The following WWOX variants were observed in gnomAD, a reference collection of about 807,000 sequenced individuals.
The protein encoded by WWOX is WW domain-containing oxidoreductase.
Under a neutral mutation model 46.2 loss-of-function variants are expected in WWOX, and 69 were observed. The ratio of observed to expected loss-of-function variants is 1.49; its 90% CI spans 1.23 to 1.82. The LOEUF (loss-of-function observed/expected upper bound fraction) is 1.82, where lower values mean the gene tolerates loss of function less well. Ranked by LOEUF, WWOX falls within the 40% of genes most tolerant of loss-of-function variation. The pLI is 0.00. For missense variants in WWOX, 919 were observed against 542.6 expected (o/e 1.69, Z -6.89); for synonymous variants, 359 against 202.6 (o/e 1.77, Z -6.56).
intron 5 of WWOX, among the ~76,000 whole-genome samples, chr16:78,185,058 C>T (rs757386974): frequency 9.2e-5 from 14 of 152,156 alleles, no homozygotes; most frequent in South Asian, 2.1e-4. Context: ...TGCTGACCCT[C>T]GCTCTGGCTC....
At chr16:79,112,433 C>A (rs992478122) in intron 8 of WWOX, among the ~76,000 whole-genome samples, 1 of 152,154 alleles carries the variant, frequency 6.6e-6, no homozygotes, top group Non-Finnish European at 1.5e-5. Flanking sequence ...CCAGGAATAT[C>A]CATCCATCTG....
At chr16:78,611,080 A>G (rs1043694202) in intron 8 of WWOX, among the ~76,000 whole-genome samples, 3 of 152,226 alleles carry the variant, frequency 2.0e-5, no homozygotes, top group East Asian at 3.8e-4. Flanking sequence ...AAGTAAATGT[A>G]TATCCCAGTG....
chr16:78,948,036 G>T (rs1237191398), intron 8 of WWOX, among the ~76,000 whole-genome samples: 1 of 152,248 alleles, frequency 6.6e-6, no homozygotes, highest in African/African-American at 2.4e-5. Context: ...GGCCTGAAGG[G>T]CTGGTGGAGA....
intron 5 of WWOX, among the ~76,000 whole-genome samples, chr16:78,254,391 T>C (rs2038066942): frequency 6.6e-6 from 1 of 151,296 alleles, no homozygotes; most frequent in African/African-American, 2.4e-5. Context: ...AGCTGAATTC[T>C]TCTCTTGATC....
chr16:79,074,409 C>CTTTTTTTTTTTT (rs60074156), intron 8 of WWOX, among the ~76,000 whole-genome samples: 22 of 30,984 alleles, frequency 7.1e-4, no homozygotes, highest in Non-Finnish European at 9.4e-4. Context: ...GTCACTAGTC[C>CTTTTTTTTTTTT]TTTTTTTTTT....
chr16:79,162,003 G>C (rs150010109), intron 8 of WWOX, among the ~76,000 whole-genome samples: 3 of 152,334 alleles, frequency 2.0e-5, no homozygotes, highest in African/African-American at 7.2e-5. Flanking sequence ...GCCAGGACCA[G>C]AACCAGGACA....
intron 8 of WWOX, among the ~76,000 whole-genome samples, chr16:79,048,509 G>C (rs368897719): frequency 6.6e-5 from 10 of 152,058 alleles, no homozygotes; most frequent in African/African-American, 1.9e-4. Context: ...TTCTGTAGCA[G>C]TAATCATATA....
chr16:79,066,622 C>G (rs994074602), intron 8 of WWOX, among the ~76,000 whole-genome samples: 2 of 152,358 alleles, frequency 1.3e-5, no homozygotes, highest in Non-Finnish European at 2.9e-5. Flanking sequence ...GCCAGCAGAA[C>G]TGAACAATAG....
chr16:78,274,514 C>T (rs1051712595), intron 5 of WWOX, among the ~76,000 whole-genome samples: 1 of 152,160 alleles, frequency 6.6e-6, no homozygotes, highest in South Asian at 2.1e-4. Context: ...CCTTCCTTGA[C>T]CTGTCCCTTT....
At chr16:78,879,566 C>T (rs760055795) in intron 8 of WWOX, among the ~76,000 whole-genome samples, 9 of 152,024 alleles carry the variant, frequency 5.9e-5, no homozygotes, top group Non-Finnish European at 1.0e-4. Flanking sequence ...ATCCAAGAGG[C>T]AACATTGTTT....
At chr16:78,734,709 C>G (rs1391552628) in intron 8 of WWOX, among the ~76,000 whole-genome samples, 5 of 151,978 alleles carry the variant, frequency 3.3e-5, no homozygotes, top group Admixed American at 3.3e-4. Context: ...AAATCAGTCA[C>G]CTGATTACAG....
chr16:78,559,990 T>A (rs2044395759), intron 8 of WWOX, among the ~76,000 whole-genome samples: 1 of 152,244 alleles, frequency 6.6e-6, no homozygotes, highest in Admixed American at 6.5e-5. Flanking sequence ...CTCTGGAGTT[T>A]GCTGTTATAT....
intron 8 of WWOX, among the ~76,000 whole-genome samples, chr16:79,104,214 T>A (rs1008079990): frequency 2.0e-5 from 3 of 152,066 alleles, no homozygotes; most frequent in Non-Finnish European, 4.4e-5. Context: ...ATCCTAACAT[T>A]GAAAAAAAAT....
chr16:78,731,048 G>C (rs1235510054), intron 8 of WWOX, among the ~76,000 whole-genome samples: 1 of 152,150 alleles, frequency 6.6e-6, no homozygotes, highest in African/African-American at 2.4e-5. Flanking sequence ...ATTATGTTTA[G>C]TGTTGATTTA....
In WWOX at chr16:78,744,185, G is replaced by C. The variant is rs145388906; in HGVS notation, c.1056+311433G>C. Among the ~76,000 whole-genome samples the C allele has an allele frequency of 4.1e-3, 628 of 152,194 alleles. 2 individuals carry two copies. Among genetic ancestry groups the C allele is most frequent in the African/African-American group, 0.014 (596 of 41,550 alleles). On this transcript the variant is annotated intron_variant, in intron 8 of 8. Transcript: ENST00000566780. ...CAGAAGGTCCGTAAAGGTGGTATTT[G>C]AACTAAGTTTTGAGAGCTGGGTAAG...
intron 8 of WWOX, among the ~76,000 whole-genome samples, chr16:79,021,614 G>C (rs746835880): frequency 1.3e-5 from 2 of 152,120 alleles, no homozygotes; most frequent in Non-Finnish European, 2.9e-5. Context: ...TGCGACTCTC[G>C]CGTGATAGGA....
intron 7 of WWOX, among the ~76,000 whole-genome samples, chr16:78,428,258 T>C (rs2083133543): frequency 6.6e-6 from 1 of 152,190 alleles, no homozygotes; most frequent in Non-Finnish European, 1.5e-5. Flanking sequence ...AACTTGAAAA[T>C]AGAGTCAGCA....
intron 8 of WWOX, among the ~76,000 whole-genome samples, chr16:78,745,193 T>G (rs987168238): frequency 2.0e-5 from 3 of 152,234 alleles, no homozygotes; most frequent in African/African-American, 7.2e-5. Flanking sequence ...GGATCTTTCC[T>G]GGAAGAACTC....
intron 6 of WWOX, among the ~76,000 whole-genome samples, chr16:78,417,368 C>T (rs1045835427): frequency 5.3e-5 from 8 of 152,174 alleles, no homozygotes; most frequent in African/African-American, 1.9e-4. Context: ...GCTGAGATTA[C>T]AGGCATGAGC....
Sources: gnomAD v4.1 joint callset for allele counts (sites outside exome capture counted in the v4.1 genomes callset) on GRCh38, gnomAD v4.1.1 for gene constraint, MANE v1.5 for transcripts, NCBI Gene and HGNC (gene_info 2026-07-23, HGNC 2026-07-21) for gene names.